Variants in DPYD observed in about 807,000 individuals in gnomAD.
DPYD encodes the protein dihydropyrimidine dehydrogenase, also known as dihydropyrimidine dehydrogenase [NADP(+)].
Under a neutral mutation model 116.2 loss-of-function variants are expected in DPYD, and 109 were observed. The ratio of observed to expected loss-of-function variants is 0.94; its 90% CI spans 0.80 to 1.10. The LOEUF (loss-of-function observed/expected upper bound fraction) is 1.10. DPYD is among the 50% of genes least tolerant of loss of function. The pLI is 0.00. For synonymous variants in DPYD, 440 were observed against 432.0 expected, an observed-to-expected ratio of 1.02 and a Z score of -0.23; for missense variants, 1,302 against 1,254.5, an observed-to-expected ratio of 1.04 and a Z score of -0.57.
intron 8 of DPYD, among the ~76,000 whole-genome samples, chr1:97,677,992 G>A (rs922247193): frequency 1.3e-5 from 2 of 152,126 alleles, no homozygotes; most frequent in Admixed American, 6.6e-5. Context: ...AATACAGGAC[G>A]ATGAGTTTAT....
chr1:97,910,223 T>G (rs998613819), intron 1 of DPYD, among the ~76,000 whole-genome samples: 2 of 152,098 alleles, frequency 1.3e-5, no homozygotes, highest in Non-Finnish European at 2.9e-5. Context: ...AGAATGCAAT[T>G]TTATTGACTG....
chr1:97,674,018 G>A (rs2100903852), intron 8 of DPYD, among the ~76,000 whole-genome samples: 1 of 152,206 alleles, frequency 6.6e-6, no homozygotes, highest in Admixed American at 6.5e-5. Flanking sequence ...ACCTTCGTGG[G>A]GACTTTTCTT....
At chr1:97,901,602 A>G (rs978673066) in intron 1 of DPYD, among the ~76,000 whole-genome samples, 1 of 151,854 alleles carries the variant, frequency 6.6e-6, no homozygotes, top group African/African-American at 2.4e-5. Flanking sequence ...TAAGGGGAAT[A>G]GTATGCACAG....
rs1033842429 is a variant in DPYD, at chr1:97,276,828, G to A, written c.2299+28431C>T. Among the ~76,000 whole-genome samples the A allele has an allele frequency of 2.0e-5, 3 of 152,148 alleles. No individual in the cohort carries two copies. The East Asian group carries it at 5.8e-4, about 29-fold the overall frequency. On this transcript the variant is annotated intron_variant, in intron 18 of 22. Coordinates refer to ENST00000370192, the MANE Select transcript of DPYD (RefSeq NM_000110.4). ...TCTCAAAGAACTTAAAACAGAACCA[G>A]CATTTAATGCAGCAATCTCATTACT...
intron 8 of DPYD, among the ~76,000 whole-genome samples, chr1:97,600,091 T>C (rs922325832): frequency 5.9e-5 from 9 of 151,772 alleles, no homozygotes; most frequent in Admixed American, 2.6e-4. Flanking sequence ...TGCTCTAGTA[T>C]ACTGAACTCT....
intron 16 of DPYD, among the ~76,000 whole-genome samples, chr1:97,316,174 A>C (rs1172932146): frequency 6.6e-6 from 1 of 151,868 alleles, no homozygotes; most frequent in Non-Finnish European, 1.5e-5. Flanking sequence ...TTACAGATGC[A>C]ATCAATGACA....
At chr1:97,683,259 T>C (rs1483529933) in intron 7 of DPYD, among the ~76,000 whole-genome samples, 2 of 151,972 alleles carry the variant, frequency 1.3e-5, no homozygotes, top group Admixed American at 1.3e-4. Flanking sequence ...TATTAGCTAT[T>C]AGTGTACATG....
At chr1:97,825,547 C>T (rs1290586363) in intron 3 of DPYD, among the ~76,000 whole-genome samples, 1 of 145,394 alleles carries the variant, frequency 6.9e-6, no homozygotes, top group Non-Finnish European at 1.5e-5. Flanking sequence ...TCCATGTTCT[C>T]ACCCACAGGT....
chr1:97,778,923 T>C (rs972866933), intron 3 of DPYD, among the ~76,000 whole-genome samples: 1 of 152,134 alleles, frequency 6.6e-6, no homozygotes, highest in Non-Finnish European at 1.5e-5. Context: ...TACTGATGGT[T>C]AGCATTGAAA....
At chr1:97,721,814 T>C (rs1662942869) in intron 4 of DPYD, 143 bp from the exon 5 acceptor site, 1 of 734,744 alleles carries the variant, frequency 1.4e-6, no homozygotes, top group South Asian at 1.8e-5. Context: ...AATACTACTA[T>C]CAGGAACCAT....
At chr1:97,767,755 C>CTT (rs34390188) in intron 3 of DPYD, among the ~76,000 whole-genome samples, 9,256 of 112,346 alleles carry the variant, frequency 0.082, 464 homozygotes, top group Non-Finnish European at 0.091. Flanking sequence ...TTGGGGCTGG[C>CTT]TTTTTTTTTT....
chr1:97,542,341 G>T (rs947577732), intron 12 of DPYD, among the ~76,000 whole-genome samples: 4 of 152,140 alleles, frequency 2.6e-5, no homozygotes, highest in Admixed American at 2.6e-4. Flanking sequence ...TCCCTCCTCT[G>T]TATAGAAGCA....
At chr1:97,468,560 A>T (rs1677457676) in intron 13 of DPYD, among the ~76,000 whole-genome samples, 2 of 152,318 alleles carry the variant, frequency 1.3e-5, no homozygotes, top group Admixed American at 1.3e-4. Flanking sequence ...AACCTCCAGA[A>T]CTGTGAGAAA....
chr1:97,517,505 TATCA>T (rs1394863009), intron 12 of DPYD, among the ~76,000 whole-genome samples: 1 of 152,108 alleles, frequency 6.6e-6, no homozygotes, highest in African/African-American at 2.4e-5. Flanking sequence ...TGGAAAGTAT[TATCA>T]ATTAAATAAA....
intron 19 of DPYD, among the ~76,000 whole-genome samples, chr1:97,227,331 C>CAAAAAAAAAAAAAAAAAAAA (rs60992225): frequency 1.3e-3 from 34 of 26,356 alleles, no homozygotes; most frequent in African/African-American, 1.7e-3. Context: ...GACTCTATCT[C>CAAAAAAAAAAAAAAAAAAAA]AAAAAAAAAA....
chr1:97,361,386 T>C (rs1670716972), intron 16 of DPYD, among the ~76,000 whole-genome samples: 1 of 151,472 alleles, frequency 6.6e-6, no homozygotes, highest in African/African-American at 2.4e-5. Context: ...CAAAGAGGAG[T>C]TGATACCATT....
At chr1:97,776,444 G>A (rs776103567) in intron 3 of DPYD, among the ~76,000 whole-genome samples, 7 of 152,154 alleles carry the variant, frequency 4.6e-5, no homozygotes, top group African/African-American at 7.2e-5. Flanking sequence ...AATATAGTGC[G>A]TAGTAGTTGC....
chr1:97,145,732 G>T (rs962950925), intron 20 of DPYD, among the ~76,000 whole-genome samples: 71 of 141,886 alleles, frequency 5.0e-4, no homozygotes, highest in Non-Finnish European at 9.9e-4. Context: ...GTACAGAAAA[G>T]AATTGTGTGG....
chr1:97,206,620 T>C (rs1659617979), intron 19 of DPYD, among the ~76,000 whole-genome samples: 1 of 129,264 alleles, frequency 7.7e-6, no homozygotes, highest in Non-Finnish European at 1.6e-5. Context: ...CTGGCTTTCA[T>C]GTGAAAACAG....
Sources: gnomAD v4.1 joint callset for allele counts (sites outside exome capture counted in the v4.1 genomes callset) on GRCh38, gnomAD v4.1.1 for gene constraint, MANE v1.5 for transcripts, NCBI Gene and HGNC (gene_info 2026-07-23, HGNC 2026-07-21) for gene names.